CPLX2: variants seen among roughly 807,000 people sequenced by gnomAD.
CPLX2 encodes the protein complexin 2.
Under a neutral mutation model 16.3 loss-of-function variants are expected in CPLX2, and 5 were observed. The ratio of observed to expected loss-of-function variants is 0.31; its 90% confidence interval spans 0.16 to 0.64. CPLX2 has a LOEUF of 0.64. Among genes scored for constraint, CPLX2 ranks in the 30% least tolerant of loss-of-function variants. The pLI is 0.79. For synonymous variants in CPLX2, 89 were observed against 73.2 expected, an observed-to-expected ratio of 1.22 and a Z score of -1.10; for missense variants, 144 against 181.4, an observed-to-expected ratio of 0.79 and a Z score of 1.18.
In CPLX2 at chr5:175,835,728, CTTTTTTTTTTTT is replaced by C. The variant is rs71575283; in HGVS notation, c.-89+26677_-89+26688del. ...TTTTATTTATTTATTTATTTATTTACTTTTTTTTTTTTTTTTTTTTTTTTTTTTGAGACAGGA... is the reference window on the plus strand; with the variant it reads ...TTTTATTTATTTATTTATTTATTTACTTTTTTTTTTTTTTTTGAGACAGGA... On this transcript the variant is annotated intron_variant, in intron 2 of 4. Transcript: ENST00000359546. Among the ~76,000 whole-genome samples the C allele has an allele frequency of 5.7e-3, 310 of 54,818 alleles. 1 individual carries two copies. The highest frequency in any genetic ancestry group is 0.021 in the African/African-American group (255 of 11,932). The allele number at this position is 54,818 out of a possible 152,430, so 36.0% of individuals were successfully genotyped here. A position where few individuals can be genotyped will look rare whatever the true frequency, so the allele number is the denominator to read the frequency against.
At chr5:175,828,550 T>C (rs1391231354) in intron 2 of CPLX2, among the ~76,000 whole-genome samples, 1 of 152,136 alleles carries the variant, frequency 6.6e-6, no homozygotes, top group Non-Finnish European at 1.5e-5. Flanking sequence ...ACAGGGACTC[T>C]TAGGTGGAAA....
chr5:175,849,767 C>A lies in CPLX2; in HGVS notation c.-88-28885C>A, dbSNP rs1421609709. Among the ~76,000 whole-genome samples the A allele has an allele frequency of 2.0e-5, 3 of 152,184 alleles. No homozygotes were observed. Among genetic ancestry groups the A allele is most frequent in the African/African-American group, 7.2e-5 (3 of 41,436 alleles). ...TGAGCTCCAACAGGGCCCTGGACCCCACCCTGGCTCCATCTCCCCTTGGAA... is the reference window on the plus strand; with the variant it reads ...TGAGCTCCAACAGGGCCCTGGACCCAACCCTGGCTCCATCTCCCCTTGGAA... On this transcript the variant is annotated intron_variant, in intron 2 of 4. Coordinates refer to the CPLX2 transcript ENST00000359546. The surrounding 1 kb of genome is among the most constrained non-coding windows in gnomAD (Gnocchi z 4.4).
chr5:175,881,557 G>C lies in CPLX2; in HGVS notation c.*1512G>C, dbSNP rs1650219219. The C allele has an allele frequency of 6.5e-6, 1 of 153,134 alleles. No homozygotes were observed. The highest frequency in any genetic ancestry group is 1.5e-5 in the Non-Finnish European group (1 of 68,138). The allele number at this position is 153,134 out of a possible 1,614,324, so 9.5% of individuals were successfully genotyped here. A position where few individuals can be genotyped will look rare whatever the true frequency, so the allele number is the denominator to read the frequency against. ...TGAGAGAATTCAGAGACATTTGAAG[G>C]CTGCTGTGTGCATGTTTGGGGGTCT... On this transcript the variant is annotated 3_prime_UTR_variant, in exon 4 of 4. Coordinates refer to ENST00000393745, the MANE Select transcript of CPLX2 (RefSeq NM_001008220.2).
intron 2 of CPLX2, chr5:175,861,857 C>G (rs1220954902): frequency 2.0e-5 from 3 of 152,214 alleles, no homozygotes; most frequent in African/African-American, 7.2e-5. Flanking sequence ...AACTCTCTAA[C>G]AAAGAGGTTC....
At chr5:175,868,362 T>C (rs1759515924), upstream of CPLX2, among the ~76,000 whole-genome samples, 1 of 152,226 alleles carries the variant, frequency 6.6e-6, no homozygotes, top group African/African-American at 2.4e-5. Flanking sequence ...TCACACAAAG[T>C]ACTAACATTA....
intron 2 of CPLX2, among the ~76,000 whole-genome samples, chr5:175,822,069 C>G (rs1234050215): frequency 1.3e-5 from 2 of 152,204 alleles, no homozygotes; most frequent in African/African-American, 4.8e-5. Context: ...GCTCATTTGC[C>G]TGGAACGTAG....
intron 2 of CPLX2, among the ~76,000 whole-genome samples, chr5:175,832,458 C>T (rs1561777421): frequency 6.6e-6 from 1 of 152,234 alleles, no homozygotes; most frequent in Non-Finnish European, 1.5e-5. Context: ...GGCTGGGCTG[C>T]CTGCCTTCAC....
chr5:175,878,887 C>T (rs1447025455), intron 2 of CPLX2, 21 bp from the exon 3 acceptor site: 2 of 1,611,026 alleles, frequency 1.2e-6, no homozygotes, highest in African/African-American at 1.3e-5. Context: ...CCGCCCTCTC[C>T]TTCCCACCCC....
chr5:175,812,999 G>A (rs1411388588), intron 2 of CPLX2, among the ~76,000 whole-genome samples: 1 of 152,194 alleles, frequency 6.6e-6, no homozygotes, highest in Non-Finnish European at 1.5e-5. Flanking sequence ...AGTGGGACTT[G>A]GGGCAAGTGT....
chr5:175,833,665 G>C (rs978506311), intron 2 of CPLX2, among the ~76,000 whole-genome samples: 1 of 152,114 alleles, frequency 6.6e-6, no homozygotes, highest in Non-Finnish European at 1.5e-5. Flanking sequence ...CACTGGGCAG[G>C]TATGGTTTGG....
chr5:175,835,948 G>A (rs1158076029), intron 2 of CPLX2, among the ~76,000 whole-genome samples: 13 of 151,608 alleles, frequency 8.6e-5, no homozygotes, highest in African/African-American at 1.9e-4. Context: ...CATGTTGGCC[G>A]GGCTGGTCTC....
rs1755495916 is a variant in CPLX2 at position 175,879,077 on chromosome 5, A to G, written c.201A>G (p.Arg67=). The G allele has an allele frequency of 6.4e-7, 1 of 1,569,872 alleles. No individual in the cohort carries two copies. Among genetic ancestry groups the G allele is most frequent in the Non-Finnish European group, 8.6e-7 (1 of 1,158,254 alleles). ...GGGAGAAGGTCCGGCAGCAGATCCG[A>G]GATAAGGTCAGCTCCGCCCGCCCGC... is the stretch of plus-strand genomic sequence containing the variant. ...AEREKVRQQI[R]DKYGLKKKEE... Residue 67 remains arginine (R), a synonymous_variant, in exon 3 of 4, where the codon CGA becomes CGG. Coordinates refer to ENST00000393745, the MANE Select transcript of CPLX2 (RefSeq NM_001008220.2).
intron 2 of CPLX2, among the ~76,000 whole-genome samples, chr5:175,812,532 G>T (rs945177388): frequency 2.0e-5 from 3 of 152,212 alleles, no homozygotes; most frequent in Non-Finnish European, 4.4e-5. Flanking sequence ...AAGATTTCAA[G>T]ATGGCAAAAT....
At chr5:175,871,451 G>GAA (rs1759604457), upstream of CPLX2, 2 of 119,404 alleles carry the variant, frequency 1.7e-5, no homozygotes, top group African/African-American at 8.3e-5. Context: ...GAGAGAGAGA[G>GAA]AGAGAGAGAG....
At chr5:175,832,178 C>T (rs961990478) in intron 2 of CPLX2, among the ~76,000 whole-genome samples, 1 of 152,182 alleles carries the variant, frequency 6.6e-6, no homozygotes, top group African/African-American at 2.4e-5. Flanking sequence ...CCATGTCTGA[C>T]AGCAGGAGAT....
rs1193296445 is a variant in CPLX2, at chr5:175,822,240, C to T, written c.-89+13172C>T. 2.0e-5 allele frequency among the ~76,000 whole-genome samples: 3 copies of T among 152,106 alleles called. No homozygotes were observed. In the East Asian group the frequency reaches 5.8e-4, roughly 29 times the overall value. ...CATAAGACGTACTTTTGAGTTTTGTCCTCAATTTCGTTTTCCTTCCATCCT... is the reference window on the plus strand; with the variant it reads ...CATAAGACGTACTTTTGAGTTTTGTTCTCAATTTCGTTTTCCTTCCATCCT... On this transcript the variant is annotated intron_variant, in intron 2 of 4. Transcript: ENST00000359546.
chr5:175,817,632 G>C (rs1396755717), intron 2 of CPLX2, among the ~76,000 whole-genome samples: 1 of 152,198 alleles, frequency 6.6e-6, no homozygotes, highest in African/African-American at 2.4e-5. Context: ...TTTGTGAAGA[G>C]AGGGTCTGAT....
rs556632343 is a variant in CPLX2, at chr5:175,850,338, G to A, written c.-88-28314G>A. Reference sequence around the variant, plus strand: ...AGGAAGGGCTGGCTGTATGGAAAACGCAAGTCTGGCAGGAGGATGAGTGGG... The same window carrying A: ...AGGAAGGGCTGGCTGTATGGAAAACACAAGTCTGGCAGGAGGATGAGTGGG... On this transcript the variant is annotated intron_variant, in intron 2 of 4. Coordinates refer to the CPLX2 transcript ENST00000359546. 5.9e-5 allele frequency among the ~76,000 whole-genome samples: 9 copies of A among 152,288 alleles called. No individual in the cohort carries two copies. The East Asian group carries it at 1.2e-3, about 20-fold the overall frequency.
At chr5:175,868,000 G>A (rs550004468), upstream of CPLX2, among the ~76,000 whole-genome samples, 9 of 152,172 alleles carry the variant, frequency 5.9e-5, no homozygotes, top group East Asian at 1.9e-4. Context: ...CTGTTTCCTC[G>A]GGCACACGGC....
Sources: gnomAD v4.1 joint callset for allele counts (sites outside exome capture counted in the v4.1 genomes callset) on GRCh38, gnomAD v4.1.1 for gene constraint, Gnocchi (gnomAD v3.1) non-coding constraint, MANE v1.5 for transcripts, NCBI Gene and HGNC (gene_info 2026-07-23, HGNC 2026-07-21) for gene names.